ATP10B: variants seen among roughly 807,000 people sequenced by gnomAD.
The protein encoded by ATP10B is ATPase phospholipid transporting 10B (putative).
In ATP10B, 122 loss-of-function variants were observed where a neutral mutation model predicts 141.2. The observed-to-expected ratio is 0.86, with a 90% confidence interval of 0.75 to 1.00. The LOEUF is 1.00. Ranked by LOEUF, ATP10B falls within the 50% of genes least tolerant of loss-of-function variation. The probability of loss-of-function intolerance (pLI) is 0.00; values close to 1 mark genes in which losing one functional copy is unlikely to be tolerated. For synonymous variants in ATP10B, 685 were observed against 692.0 expected (o/e 0.99, Z 0.16); for missense variants, 1,876 against 1,825.3 (o/e 1.03, Z -0.51).
At chr5:160,637,208 TCATC>T (rs777051427) in intron 10 of ATP10B, among the ~76,000 whole-genome samples, 14 of 149,906 alleles carry the variant, frequency 9.3e-5, no homozygotes, top group East Asian at 5.9e-4. Context: ...ATCTATCTAT[TCATC>T]CATCTACCCA....
At chr5:160,861,322 A>G in the ATP10B span, among the ~76,000 whole-genome samples, 2 of 151,942 alleles carry the variant, frequency 1.3e-5, no homozygotes, top group Non-Finnish European at 2.9e-5. Context: ...TCAGCTTACT[A>G]ATTTTTAGCA....
At chr5:160,886,095 C>T in the ATP10B span, among the ~76,000 whole-genome samples, 485 of 152,302 alleles carry the variant, frequency 3.2e-3, 5 homozygotes, top group African/African-American at 0.011. Flanking sequence ...ACAGACGCTA[C>T]TTTTAGCCAT....
chr5:160,622,424 C>T lies in ATP10B; in HGVS notation c.1782G>A (p.Met594Ile), dbSNP rs1758399199. ...GCCTGGGCTCGGTGGTTGTGGACAC[C>T]ATGACAGAGTTGCAGATGGTTAAGG... is the stretch of plus-strand genomic sequence containing the variant. ...FLALTICNSV[M>I]VSTTTEPRQR... The change falls in exon 14 of 26, where the codon ATG (methionine) becomes ATA (isoleucine). Residue 594 changes from methionine (M) to isoleucine (I), a missense_variant. Physicochemically the swap from Met to Ile is conservative, Grantham distance 10 (BLOSUM62 1). Transcript: ENST00000327245. 2 of 1,613,710 alleles carry T rather than the reference C, an allele frequency of 1.2e-6. No homozygotes were observed. The highest frequency in any genetic ancestry group is 4.5e-5 in the East Asian group (2 of 44,856).
intron 9 of ATP10B, among the ~76,000 whole-genome samples, chr5:160,641,421 G>C (rs1370321701): frequency 6.6e-6 from 1 of 152,152 alleles, no homozygotes. Context: ...TTGAAGTTTT[G>C]CATACAATTT....
intron 1 of ATP10B, among the ~76,000 whole-genome samples, chr5:160,790,926 C>G (rs6862853): frequency 6.6e-6 from 1 of 151,884 alleles, no homozygotes; most frequent in Non-Finnish European, 1.5e-5. Context: ...ATGAGTTACA[C>G]GATGATGAAA....
intron 1 of ATP10B, among the ~76,000 whole-genome samples, chr5:160,793,562 G>C (rs1297637069): frequency 1.3e-5 from 2 of 152,156 alleles, no homozygotes; most frequent in African/African-American, 4.8e-5. Flanking sequence ...GGTTACAATG[G>C]AGTGAAAAAT....
the ATP10B span, among the ~76,000 whole-genome samples, chr5:160,927,367 G>A: frequency 6.6e-6 from 1 of 152,170 alleles, no homozygotes; most frequent in African/African-American, 2.4e-5. Context: ...ACAAGCTGGG[G>A]TGAGTCAGAA....
At chr5:160,746,804 A>G (rs1039162555) in intron 2 of ATP10B, among the ~76,000 whole-genome samples, 1 of 152,118 alleles carries the variant, frequency 6.6e-6, no homozygotes, top group Admixed American at 6.5e-5. Flanking sequence ...ACCATACTCT[A>G]TTGGATGATT....
intron 1 of ATP10B, among the ~76,000 whole-genome samples, chr5:160,830,098 C>G (rs937306772): frequency 6.6e-6 from 1 of 151,816 alleles, no homozygotes; most frequent in African/African-American, 2.4e-5. Context: ...TTATAGATGG[C>G]TCTTGAGGTA....
chr5:160,594,827 A>C (rs868636008), intron 22 of ATP10B, among the ~76,000 whole-genome samples: 1 of 152,208 alleles, frequency 6.6e-6, no homozygotes, highest in Non-Finnish European at 1.5e-5. Flanking sequence ...TCAATTCAAC[A>C]AGAAGAGCTA....
At chr5:160,574,085 T>C (rs1755046198) in intron 24 of ATP10B, among the ~76,000 whole-genome samples, 1 of 152,224 alleles carries the variant, frequency 6.6e-6, no homozygotes, top group Non-Finnish European at 1.5e-5. Flanking sequence ...TGGTTATGCT[T>C]TAACATCTTT....
chr5:160,793,140 T>C (rs1214586154), intron 1 of ATP10B, among the ~76,000 whole-genome samples: 1 of 152,220 alleles, frequency 6.6e-6, no homozygotes, highest in Non-Finnish European at 1.5e-5. Context: ...CCCATCATTT[T>C]AGAAAATTGT....
At chr5:160,787,926 A>G (rs1771286900) in intron 1 of ATP10B, among the ~76,000 whole-genome samples, 1 of 152,186 alleles carries the variant, frequency 6.6e-6, no homozygotes, top group Non-Finnish European at 1.5e-5. Flanking sequence ...GAACGTTTCA[A>G]TTAACAATCC....
At chr5:160,608,376 GC>G (rs1757519914) in intron 18 of ATP10B, among the ~76,000 whole-genome samples, 2 of 152,142 alleles carry the variant, frequency 1.3e-5, no homozygotes, top group South Asian at 4.2e-4. Flanking sequence ...TGTGAATAGT[GC>G]CGCAATAAAC....
chr5:160,748,025 G>T (rs1288838240), intron 2 of ATP10B, among the ~76,000 whole-genome samples: 1 of 150,544 alleles, frequency 6.6e-6, no homozygotes, highest in Non-Finnish European at 1.5e-5. Flanking sequence ...AAGCGGCCGG[G>T]GTTGTGGCGG....
rs79274000 is a variant in ATP10B at position 160,612,623 on chromosome 5, T to C, written c.2838+118A>G. ...TAGACTCCAAGATTCAGTGATCTGT[T>C]GGGGGTTGGGTGCTTCCCTGGTGTA... On this transcript the variant is annotated intron_variant, in intron 18 of 25. Transcript: ENST00000327245. 13 of 787,620 alleles carry C rather than the reference T, an allele frequency of 1.7e-5. No individual in the cohort carries two copies. The Admixed American group carries it at 3.6e-4, about 22-fold the overall frequency. 48.8% of individuals were successfully genotyped at this position (787,620 alleles called of 1,614,324 possible).
chr5:160,714,874 G>C (rs934916422), intron 3 of ATP10B, among the ~76,000 whole-genome samples: 6 of 147,482 alleles, frequency 4.1e-5, no homozygotes, highest in Admixed American at 2.7e-4. Flanking sequence ...ATACCCTGCC[G>C]TGTGAGGTGT....
At chr5:160,801,520 C>T (rs1184290716) in intron 1 of ATP10B, among the ~76,000 whole-genome samples, 1 of 152,206 alleles carries the variant, frequency 6.6e-6, no homozygotes, top group Non-Finnish European at 1.5e-5. Flanking sequence ...AGGGCAAACT[C>T]CATGAGGGAA....
chr5:160,701,438 G>A (rs1308598477), intron 3 of ATP10B, among the ~76,000 whole-genome samples: 1 of 152,088 alleles, frequency 6.6e-6, no homozygotes, highest in Non-Finnish European at 1.5e-5. Flanking sequence ...AAAAAGCCTA[G>A]CTAATTTATG....
Sources: allele counts gnomAD v4.1 joint callset (sites outside exome capture counted in the v4.1 genomes callset), GRCh38; gene constraint gnomAD v4.1.1; transcripts MANE v1.5; gene names NCBI Gene and HGNC (gene_info 2026-07-23, HGNC 2026-07-21).